The following TNNI1 variants were observed in gnomAD, a reference collection of about 807,000 sequenced individuals.
The protein encoded by TNNI1 is troponin I, slow skeletal muscle.
Under a neutral mutation model 26.7 loss-of-function variants are expected in TNNI1, and 14 were observed. The observed-to-expected ratio is 0.52, with a 90% CI of 0.35 to 0.82. The LOEUF (loss-of-function observed/expected upper bound fraction) is 0.82. Ranked by LOEUF, TNNI1 falls within the 40% of genes least tolerant of loss-of-function variation. The pLI, the probability that TNNI1 is intolerant of heterozygous loss-of-function variation, is 0.01. For missense variants in TNNI1, 164 were observed against 257.0 expected (o/e 0.64, Z 2.47); for synonymous variants, 79 against 98.2 (o/e 0.80, Z 1.16).
intron 5 of TNNI1, among the ~76,000 whole-genome samples, chr1:201,413,690 A>G (rs1177453587): frequency 3.3e-5 from 5 of 152,156 alleles, no homozygotes; most frequent in Non-Finnish European, 5.9e-5. Flanking sequence ...GGTTGCAGTG[A>G]GCCAAGATCA....
intron 1 of TNNI1, among the ~76,000 whole-genome samples, chr1:201,418,301 T>C (rs554695107): frequency 3.9e-5 from 6 of 151,906 alleles, no homozygotes; most frequent in Non-Finnish European, 7.4e-5. Flanking sequence ...AAACCCCGTC[T>C]CTACTAATGA....
At position 201,411,977 on chromosome 1, in the gene TNNI1, T is replaced by C. The variant is rs1309162646; in HGVS notation, c.280-444A>G. On this transcript the variant is annotated intron_variant, in intron 6 of 8. Coordinates refer to ENST00000361379, the MANE Select transcript of TNNI1 (RefSeq NM_003281.4). This position sits in a 1 kb window ranked among gnomAD's most constrained non-coding sequence, Gnocchi z 4.6. ...CTAACAGGCCACGGACAGGTACTGG[T>C]CCACAGCCCAAGAGTTGGAGATCCC... 3.3e-5 allele frequency among the ~76,000 whole-genome samples: 5 copies of C among 152,174 alleles called. No individual in the cohort carries two copies. Among genetic ancestry groups the C allele is most frequent in the Non-Finnish European group, 5.9e-5 (4 of 68,022 alleles).
At position 201,409,023 on chromosome 1, in the gene TNNI1, T is replaced by C. The variant is rs1329263413; in HGVS notation, c.*230A>G. On this transcript the variant is annotated 3_prime_UTR_variant, in exon 9 of 9. Transcript: ENST00000361379. ...TGGCTGAGAAGCCCCAGGTGCCTCA[T>C]GGGTGGATAGAAGCCCACCCTGCCA... 2.0e-5 allele frequency: 3 copies of C among 152,130 alleles called. No individual in the cohort carries two copies. Among genetic ancestry groups the C allele is most frequent in the African/African-American group, 4.8e-5 (2 of 41,416 alleles). 9.4% of individuals were successfully genotyped at this position (152,130 alleles called of 1,614,324 possible).
chr1:201,418,947 A>C (rs1008959099), intron 1 of TNNI1, among the ~76,000 whole-genome samples: 2 of 152,232 alleles, frequency 1.3e-5, no homozygotes, highest in Non-Finnish European at 2.9e-5. Flanking sequence ...CAGTAAAAGC[A>C]AAATGGCATT....
intron 4 of TNNI1, 56 bp from the exon 5 acceptor site, chr1:201,414,705 G>A: frequency 6.3e-7 from 1 of 1,590,206 alleles, no homozygotes; most frequent in Non-Finnish European, 8.6e-7. Flanking sequence ...CCGGCATCAG[G>A]GAATGAGGGG....
chr1:201,413,304 G>C (rs1281951215), intron 5 of TNNI1, among the ~76,000 whole-genome samples, 183 bp from the exon 6 acceptor site: 1 of 152,174 alleles, frequency 6.6e-6, no homozygotes, highest in Non-Finnish European at 1.5e-5. Context: ...CTGTTCTCCT[G>C]TCTGAATGTC....
At chr1:201,413,790 C>T (rs2102371241) in intron 5 of TNNI1, among the ~76,000 whole-genome samples, 1 of 152,220 alleles carries the variant, frequency 6.6e-6, no homozygotes, top group East Asian at 1.9e-4. Flanking sequence ...GCAGCCTCAA[C>T]CTCCTGGGCT....
chr1:201,420,261 C>A (rs1662830101), intron 1 of TNNI1, among the ~76,000 whole-genome samples: 1 of 152,246 alleles, frequency 6.6e-6, no homozygotes, highest in South Asian at 2.1e-4. Context: ...AGGCAAGAGG[C>A]CTCAGCCTGT....
rs3835601 is a variant in TNNI1 at position 201,419,484 on chromosome 1, A to AGT, written c.-19-1674_-19-1673dup. ...TGTGAAATGAAGGATGGGAGAGCCTAGTGTGTGTGGAGTGGGCAGGCATGG... is the reference window on the plus strand; with the variant it reads ...TGTGAAATGAAGGATGGGAGAGCCTAGTGTGTGTGTGGAGTGGGCAGGCATGG... On this transcript the variant is annotated intron_variant, in intron 1 of 8. Coordinates refer to ENST00000361379, the MANE Select transcript of TNNI1 (RefSeq NM_003281.4). 2.3e-3 allele frequency among the ~76,000 whole-genome samples: 345 copies of AGT among 152,252 alleles called. 7 individuals carry two copies. Among genetic ancestry groups the AGT allele is most frequent in the East Asian group, 0.012 (62 of 5,178 alleles).
At chr1:201,412,116 G>A (rs1288142208) in intron 6 of TNNI1, among the ~76,000 whole-genome samples, 1 of 152,202 alleles carries the variant, frequency 6.6e-6, no homozygotes, top group Non-Finnish European at 1.5e-5. Flanking sequence ...TAACACTATA[G>A]CCTTGAATAA....
At chr1:201,420,986 G>A (rs757992806) in intron 1 of TNNI1, among the ~76,000 whole-genome samples, 15 of 152,074 alleles carry the variant, frequency 9.9e-5, no homozygotes, top group South Asian at 2.1e-4. Context: ...CCAAAATGCC[G>A]CCACCATTGC....
Position 201,415,271 on chromosome 1 carries a change from A to G in TNNI1, c.16-17T>C, listed in dbSNP as rs1662713681. ...GGGTTTTCTCTGTGGGCAAGAAGAG[A>G]GAGAGACAGGTGGTGAGGCAGAGGC... On this transcript the variant is annotated splice_polypyrimidine_tract_variant and intron_variant, in intron 3 of 8. Coordinates refer to ENST00000361379, the MANE Select transcript of TNNI1 (RefSeq NM_003281.4). The G allele has an allele frequency of 3.7e-6, 6 of 1,613,908 alleles. No individual in the cohort carries two copies. Among genetic ancestry groups the G allele is most frequent in the South Asian group, 2.2e-5 (2 of 91,040 alleles).
At chr1:201,418,271 C>G (rs1279482315) in intron 1 of TNNI1, among the ~76,000 whole-genome samples, 1 of 151,810 alleles carries the variant, frequency 6.6e-6, no homozygotes, top group Non-Finnish European at 1.5e-5. Context: ...GAGTTCAAGA[C>G]CAGCCTGGCC....
rs1662471318 is a variant in TNNI1 at position 201,404,104 on chromosome 1, A to G, written c.*5149T>C. 6.6e-6 allele frequency: 1 copy of G among 152,142 alleles called. No individual in the cohort carries two copies. Among genetic ancestry groups the G allele is most frequent in the African/African-American group, 2.4e-5 (1 of 41,436 alleles). 9.4% of individuals were successfully genotyped at this position (152,142 alleles called of 1,614,324 possible). A position where few individuals can be genotyped will look rare whatever the true frequency, so the allele number is the denominator to read the frequency against. ...GGGAATTCCCTGGTCAAAGTCAGGG[A>G]ATTTCAAGATTTTTCAGCCAGTGGT... is the stretch of plus-strand genomic sequence containing the variant. On this transcript the variant is annotated 3_prime_UTR_variant, in exon 9 of 9. Transcript: ENST00000361379.
rs1004311062 is a variant in TNNI1, at chr1:201,406,876, C to A, written c.*2377G>T. On this transcript the variant is annotated 3_prime_UTR_variant, in exon 9 of 9. Transcript: ENST00000361379. ...TGCTGCCTGGAAGCAGAAGGAGGAA[C>A]CCGATGACCTCCAGGAACCCTCTGG... The A allele has an allele frequency of 1.3e-5, 2 of 152,392 alleles. No homozygotes were observed. Among genetic ancestry groups the A allele is most frequent in the African/African-American group, 4.8e-5 (2 of 41,466 alleles). The allele number at this position is 152,392 out of a possible 1,614,324, so 9.4% of individuals were successfully genotyped here. A position where few individuals can be genotyped will look rare whatever the true frequency, so the allele number is the denominator to read the frequency against.
chr1:201,409,408 C>G (rs1056478431), intron 8 of TNNI1, among the ~76,000 whole-genome samples, 158 bp from the exon 9 acceptor site: 6 of 152,220 alleles, frequency 3.9e-5, no homozygotes, highest in Non-Finnish European at 7.3e-5. Context: ...AAAACCTCAG[C>G]TTCTCGGCCC....
At chr1:201,420,764 T>G (rs1025431101) in intron 1 of TNNI1, among the ~76,000 whole-genome samples, 2 of 151,812 alleles carry the variant, frequency 1.3e-5, no homozygotes, top group Non-Finnish European at 2.9e-5. Context: ...CACTCCCAAG[T>G]GCATGGCGCT....
chr1:201,417,021 C>G, intron 3 of TNNI1, 95 bp downstream of exon 3: 1 of 1,498,842 alleles, frequency 6.7e-7, no homozygotes, highest in Non-Finnish European at 9.3e-7. Context: ...GGCCTTAACA[C>G]AGGCTCTTCC....
rs1317596462 is a variant in TNNI1 at position 201,403,863 on chromosome 1, A to G, written c.*5390T>C. The G allele has an allele frequency of 6.6e-6, 1 of 152,144 alleles. No homozygotes were observed. The highest frequency in any genetic ancestry group is 1.5e-5 in the Non-Finnish European group (1 of 68,018). 9.4% of individuals were successfully genotyped at this position (152,144 alleles called of 1,614,324 possible). A position where few individuals can be genotyped will look rare whatever the true frequency, so the allele number is the denominator to read the frequency against. ...AGAACCAAGAGAATAACAAACACAA[A>G]ATTGAGGATTGTATTTACCTTTGTG... On this transcript the variant is annotated 3_prime_UTR_variant, in exon 9 of 9. Coordinates refer to ENST00000361379, the MANE Select transcript of TNNI1 (RefSeq NM_003281.4).
Sources: allele counts gnomAD v4.1 joint callset (sites outside exome capture counted in the v4.1 genomes callset), GRCh38; gene constraint gnomAD v4.1.1; non-coding constraint Gnocchi (gnomAD v3.1); transcripts MANE v1.5; gene names NCBI Gene and HGNC (gene_info 2026-07-23, HGNC 2026-07-21).